The following RBM20 variants were observed in gnomAD, a reference collection of about 807,000 sequenced individuals.
RBM20 encodes RNA-binding protein 20.
In RBM20, 51 loss-of-function variants were observed where a neutral mutation model predicts 110.1. The ratio of observed to expected loss-of-function variants is 0.46; its 90% confidence interval spans 0.37 to 0.59. RBM20 has a LOEUF of 0.59. Among genes scored for constraint, RBM20 ranks in the 20% least tolerant of loss-of-function variants. The pLI is 0.00. For missense variants in RBM20, 1,512 were observed against 1,574.9 expected (o/e 0.96, Z 0.68); for synonymous variants, 589 against 618.2 (o/e 0.95, Z 0.70).
At position 110,690,342 on chromosome 10, in the gene RBM20, G is replaced by A. The variant is rs148407381; in HGVS notation, c.191+45697G>A. On this transcript the variant is annotated intron_variant, in intron 1 of 13. Coordinates refer to ENST00000369519, the MANE Select transcript of RBM20 (RefSeq NM_001134363.3). ...GATCGCTTAAGCCTAGGAATTTGAG[G>A]TTGCAGTGAGCTGTGATAGTGCCAC... Among the ~76,000 whole-genome samples the A allele has an allele frequency of 8.8e-3, 1,343 of 152,108 alleles. 57 individuals are homozygous for A. Among genetic ancestry groups the A allele is most frequent in the Admixed American group, 0.072 (1,098 of 15,276 alleles).
intron 1 of RBM20, among the ~76,000 whole-genome samples, chr10:110,673,758 T>C (rs1320641221): frequency 6.6e-6 from 1 of 152,198 alleles, no homozygotes; most frequent in Non-Finnish European, 1.5e-5. Context: ...GTGGCCTATA[T>C]TGAAACTGGA....
chr10:110,783,516 C>CCA, intron 3 of RBM20, 89 bp downstream of exon 3: 1 of 1,054,396 alleles, frequency 9.5e-7, no homozygotes, highest in South Asian at 1.4e-5. Flanking sequence ...GTTTTGAGTC[C>CCA]TGGGGCAATA....
At chr10:110,651,029 G>T (rs969159946) in intron 1 of RBM20, among the ~76,000 whole-genome samples, 24 of 152,296 alleles carry the variant, frequency 1.6e-4, no homozygotes, top group Admixed American at 1.6e-3. Flanking sequence ...CTCTGGACTG[G>T]GAGTCAGTGA....
intron 1 of RBM20, among the ~76,000 whole-genome samples, chr10:110,775,804 G>T (rs973220863): frequency 3.9e-5 from 6 of 152,172 alleles, no homozygotes; most frequent in African/African-American, 1.4e-4. Context: ...ACGTAGGTTG[G>T]CTTTCTTTAA....
intron 1 of RBM20, among the ~76,000 whole-genome samples, chr10:110,717,845 C>T (rs907033817): frequency 3.9e-5 from 6 of 152,204 alleles, no homozygotes; most frequent in African/African-American, 1.2e-4. Context: ...TGACCCAAAG[C>T]GCTCCATTGC....
At chr10:110,813,046 A>C in intron 9 of RBM20, 99 bp downstream of exon 9, 1 of 847,466 alleles carries the variant, frequency 1.2e-6, no homozygotes, top group Admixed American at 3.2e-5. Flanking sequence ...ATGAATGAAC[A>C]TTTACTGGCT....
intron 7 of RBM20, among the ~76,000 whole-genome samples, chr10:110,809,234 T>C (rs1025669378): frequency 2.3e-4 from 9 of 39,698 alleles, no homozygotes; most frequent in Non-Finnish European, 6.1e-4. Context: ...AAAAAAAAAT[T>C]GCATGATTCT....
chr10:110,721,438 T>C (rs915066919), intron 1 of RBM20, among the ~76,000 whole-genome samples: 3 of 152,224 alleles, frequency 2.0e-5, no homozygotes, highest in Non-Finnish European at 2.9e-5. Flanking sequence ...ACATTTGCTC[T>C]TGTGAATGCC....
intron 1 of RBM20, among the ~76,000 whole-genome samples, chr10:110,723,718 G>A (rs969347118): frequency 3.9e-5 from 6 of 152,204 alleles, no homozygotes; most frequent in African/African-American, 9.6e-5. Flanking sequence ...CCATTTGCAT[G>A]TCTTCTCTGG....
chr10:110,814,214 T>C (rs1844811371), intron 9 of RBM20, among the ~76,000 whole-genome samples: 1 of 152,188 alleles, frequency 6.6e-6, no homozygotes, highest in African/African-American at 2.4e-5. Context: ...CCAACATGTA[T>C]AGATGGAGTG....
intron 5 of RBM20, among the ~76,000 whole-genome samples, chr10:110,796,658 C>T (rs12412282): frequency 0.17 from 25,304 of 152,072 alleles, 2,639 homozygotes; most frequent in East Asian, 0.53. Flanking sequence ...GAGGCTGAGT[C>T]GGGAGGATGG....
rs1437394102 is a variant in RBM20, at chr10:110,767,309, C to T, written c.192-13492C>T. ...GCGGCCGGGCAGAGGTGCCCCTCACCTCCCGGACGGGGCGGCTAGCCGGGT... is the reference window on the plus strand; with the variant it reads ...GCGGCCGGGCAGAGGTGCCCCTCACTTCCCGGACGGGGCGGCTAGCCGGGT... On this transcript the variant is annotated intron_variant, in intron 1 of 13. Coordinates refer to ENST00000369519, the MANE Select transcript of RBM20 (RefSeq NM_001134363.3). Among the ~76,000 whole-genome samples, 100 of 143,556 alleles carry T rather than the reference C, an allele frequency of 7.0e-4. 1 individual carries two copies. The highest frequency in any genetic ancestry group is 2.3e-3 in the African/African-American group (90 of 38,462). The allele number at this position is 143,556 out of a possible 152,430, so 94.2% of individuals were successfully genotyped here. A position where few individuals can be genotyped will look rare whatever the true frequency, so the allele number is the denominator to read the frequency against.
At chr10:110,803,026 C>T (rs1844649516) in intron 7 of RBM20, among the ~76,000 whole-genome samples, 1 of 151,958 alleles carries the variant, frequency 6.6e-6, no homozygotes, top group Admixed American at 6.6e-5. Context: ...ATCACTGTAC[C>T]CTGTGAAGTG....
chr10:110,718,626 T>TA (rs1197839472), intron 1 of RBM20, among the ~76,000 whole-genome samples: 2 of 148,826 alleles, frequency 1.3e-5, no homozygotes, highest in Non-Finnish European at 3.0e-5. Context: ...TTTTTTCTTT[T>TA]TTTTTTTTTT....
chr10:110,678,856 C>T lies in RBM20; in HGVS notation c.191+34211C>T, dbSNP rs74850762. Reference sequence around the variant, plus strand: ...TGGTCCAGGAGTCTGAAAGTTCAAGCTCAGCAATACAGAGACTTTTGGAAT... The same window carrying T: ...TGGTCCAGGAGTCTGAAAGTTCAAGTTCAGCAATACAGAGACTTTTGGAAT... On this transcript the variant is annotated intron_variant, in intron 1 of 13. Transcript: ENST00000369519. 4.1e-4 allele frequency among the ~76,000 whole-genome samples: 63 copies of T among 152,316 alleles called. 1 individual carries two copies. The East Asian group carries it at 0.012, about 29-fold the overall frequency.
At chr10:110,817,555 C>T (rs1384215509) in intron 9 of RBM20, among the ~76,000 whole-genome samples, 1 of 152,200 alleles carries the variant, frequency 6.6e-6, no homozygotes, top group Non-Finnish European at 1.5e-5. Flanking sequence ...TAGTTAGTGA[C>T]ACTGAAATGA....
upstream of RBM20, among the ~76,000 whole-genome samples, chr10:110,644,029 G>T (rs908108619): frequency 1.3e-5 from 2 of 152,200 alleles, no homozygotes; most frequent in Non-Finnish European, 2.9e-5. The surrounding 1 kb of genome is among the most constrained non-coding windows in gnomAD (Gnocchi z 4.3). Context: ...GCCGACCGCG[G>T]GCTGCGTGTG....
At position 110,820,148 on chromosome 10, in the gene RBM20, C is replaced by A. The variant is rs1335808459; in HGVS notation, c.2627C>A (p.Ser876Tyr). The change falls in exon 10 of 14, where the codon TCT becomes TAT. Residue 876 changes from serine to tyrosine, a missense_variant. Physicochemically the swap from Ser to Tyr is moderately radical, Grantham distance 144. Coordinates refer to ENST00000369519, the MANE Select transcript of RBM20 (RefSeq NM_001134363.3). ...VGRQEKEAEF[S>Y]DPENTRTKKE... Reference sequence around the variant, plus strand: ...AGACAGGAGAAAGAAGCAGAGTTCTCTGATCCGGAAAACACAAGGACAAAG... The same window carrying A: ...AGACAGGAGAAAGAAGCAGAGTTCTATGATCCGGAAAACACAAGGACAAAG... The A allele has an allele frequency of 6.4e-7, 1 of 1,551,452 alleles. No individual in the cohort carries two copies. Among genetic ancestry groups the A allele is most frequent in the African/African-American group, 1.4e-5 (1 of 73,152 alleles).
rs397516621 is a variant in RBM20, at chr10:110,781,138, A to C, written c.529A>C (p.Thr177Pro). The C allele has an allele frequency of 6.4e-7, 1 of 1,551,560 alleles. No homozygotes were observed. The highest frequency in any genetic ancestry group is 2.0e-5 in the Admixed American group (1 of 51,000). Residue 177 changes from threonine (T) to proline (P), a missense_variant, in exon 2 of 14, where the codon ACA becomes CCA. Thr to Pro is a conservative substitution (Grantham distance 38). Around this residue, in one of 3 missense-constraint regions of RBM20, gnomAD observed 1,149 missense variants for 1,169.4 expected, o/e 0.98. Transcript: ENST00000369519. Reference sequence around the variant, plus strand: ...AATTGCCTTTTCACCCCCCAGCCAGACACGAGGCCCCGGACCCTCCATGAA... The same window carrying C: ...AATTGCCTTTTCACCCCCCAGCCAGCCACGAGGCCCCGGACCCTCCATGAA... ...NAIAFSPPSQTRGPGPSMNLP... is the reference protein window; with the variant it reads ...NAIAFSPPSQPRGPGPSMNLP...
Sources: gnomAD v4.1 joint callset for allele counts (sites outside exome capture counted in the v4.1 genomes callset) on GRCh38, gnomAD v4.1.1 for gene constraint, gnomAD v4.1.1 regional missense constraint, Gnocchi (gnomAD v3.1) non-coding constraint, MANE v1.5 for transcripts, NCBI Gene and HGNC (gene_info 2026-07-23, HGNC 2026-07-21) for gene names.